Variants in DIP2C observed in about 807,000 individuals in gnomAD.
DIP2C encodes the protein disco-interacting protein 2 homolog C.
In DIP2C, 33 loss-of-function variants were observed where a neutral mutation model predicts 192.4. The observed-to-expected ratio is 0.17, with a 90% confidence interval of 0.13 to 0.23. DIP2C has a LOEUF of 0.23. DIP2C is among the 10% of genes least tolerant of loss of function. The pLI, the probability that DIP2C is intolerant of heterozygous loss-of-function variation, is 1.00. For missense variants in DIP2C, 1,537 were observed against 2,110.1 expected, an observed-to-expected ratio of 0.73 and a Z score of 5.32; for synonymous variants, 979 against 864.1, an observed-to-expected ratio of 1.13 and a Z score of -2.33.
intron 4 of DIP2C, among the ~76,000 whole-genome samples, chr10:439,503 G>A (rs1041255331): frequency 6.6e-6 from 1 of 152,208 alleles, no homozygotes; most frequent in East Asian, 1.9e-4. Context: ...TGTGGTCCCA[G>A]GTGCTTGAGA....
chr10:320,058 C>T (rs1172150426), intron 31 of DIP2C, among the ~76,000 whole-genome samples: 1 of 152,136 alleles, frequency 6.6e-6, no homozygotes, highest in East Asian at 1.9e-4. Context: ...GAATAGTAAA[C>T]CCTGGGTTTT....
chr10:423,544 G>A (rs1966355777), intron 4 of DIP2C, among the ~76,000 whole-genome samples: 1 of 152,092 alleles, frequency 6.6e-6, no homozygotes, highest in Admixed American at 6.5e-5. Flanking sequence ...AGACACCCAT[G>A]CAGCTGATTT....
chr10:657,833 A>G (rs1378788395), intron 1 of DIP2C, among the ~76,000 whole-genome samples: 1 of 147,898 alleles, frequency 6.8e-6, no homozygotes, highest in East Asian at 2.0e-4. Context: ...TTGACCCTGG[A>G]CCTGCCCCTG....
At chr10:497,909 T>C (rs1466891771) in intron 1 of DIP2C, among the ~76,000 whole-genome samples, 1 of 152,240 alleles carries the variant, frequency 6.6e-6, no homozygotes, top group African/African-American at 2.4e-5. Flanking sequence ...TCTGCCTCTG[T>C]TGCCTGTGCT....
chr10:487,578 T>TG (rs1162270445), intron 1 of DIP2C, among the ~76,000 whole-genome samples: 68 of 131,396 alleles, frequency 5.2e-4, no homozygotes, highest in African/African-American at 1.9e-3. Context: ...TTTTTTTTTT[T>TG]TTTTTTTTTT....
chr10:619,190 G>T (rs1057108222), intron 1 of DIP2C, among the ~76,000 whole-genome samples: 1 of 152,122 alleles, frequency 6.6e-6, no homozygotes. Context: ...GTGAACACCT[G>T]GACAAGTCAC....
intron 3 of DIP2C, among the ~76,000 whole-genome samples, chr10:468,373 T>C (rs1970388650): frequency 6.6e-6 from 1 of 152,114 alleles, no homozygotes; most frequent in Non-Finnish European, 1.5e-5. Context: ...TTGCTCTGTG[T>C]TGGCTACAGA....
At chr10:560,689 A>G (rs1172046372) in intron 1 of DIP2C, among the ~76,000 whole-genome samples, 1 of 152,218 alleles carries the variant, frequency 6.6e-6, no homozygotes, top group Non-Finnish European at 1.5e-5. Flanking sequence ...AAACAACGTA[A>G]TCACTTTCTG....
chr10:423,383 G>A (rs1162513018), intron 4 of DIP2C, among the ~76,000 whole-genome samples: 2 of 152,220 alleles, frequency 1.3e-5, no homozygotes, highest in Admixed American at 1.3e-4. Flanking sequence ...TTTCCTAGGG[G>A]ATGCTGAGGG....
chr10:686,320 G>A lies in DIP2C; in HGVS notation c.85+3174C>T, dbSNP rs1023472552. On this transcript the variant is annotated intron_variant, in intron 1 of 36. Transcript: ENST00000280886. ...GCACCCTCACGGCCTCTCCACCTGC[G>A]GGGCCTCTCCACTAGCACAGCCTTC... is the stretch of plus-strand genomic sequence containing the variant. Among the ~76,000 whole-genome samples the A allele has an allele frequency of 1.8e-4, 26 of 145,674 alleles. 1 individual carries two copies. The highest frequency in any genetic ancestry group is 5.9e-4 in the African/African-American group (23 of 39,098).
intron 2 of DIP2C, among the ~76,000 whole-genome samples, chr10:474,425 C>A (rs1970897689): frequency 6.6e-6 from 1 of 152,210 alleles, no homozygotes; most frequent in Non-Finnish European, 1.5e-5. Flanking sequence ...AAAACTCTTT[C>A]CCATACCTTC....
rs200101432 is a variant in DIP2C, at chr10:560,974, ACT to A, written c.86-74446_86-74445del. 7.3e-3 allele frequency among the ~76,000 whole-genome samples: 1,113 copies of A among 151,862 alleles called. 10 individuals carry two copies. The highest frequency in any genetic ancestry group is 0.024 in the African/African-American group (1,001 of 41,424). Reference sequence around the variant, plus strand: ...CTCCACACAACCCCTTAATCGTACAACTCTCTCAACCAACTGTCAATCAGGAA... The same window carrying A: ...CTCCACACAACCCCTTAATCGTACAACTCTCAACCAACTGTCAATCAGGAA... On this transcript the variant is annotated intron_variant, in intron 1 of 36. Transcript: ENST00000280886.
intron 29 of DIP2C, among the ~76,000 whole-genome samples, chr10:337,410 G>A (rs1388956374): frequency 1.4e-5 from 2 of 147,470 alleles, no homozygotes; most frequent in Middle Eastern, 3.7e-3. Context: ...CTACGTAGCT[G>A]TGTGTGTGTG....
chr10:436,566 C>T (rs925349343), intron 4 of DIP2C, among the ~76,000 whole-genome samples: 9 of 150,434 alleles, frequency 6.0e-5, no homozygotes, highest in Admixed American at 1.3e-4. Flanking sequence ...GCTCCACCTC[C>T]TAGACGTGGT....
At chr10:323,944 A>G (rs1957145397) in intron 31 of DIP2C, among the ~76,000 whole-genome samples, 1 of 151,868 alleles carries the variant, frequency 6.6e-6, no homozygotes, top group African/African-American at 2.4e-5. Context: ...GGTTTTTTTA[A>G]TTTTGCAGAT....
chr10:408,339 T>C (rs530602201), intron 9 of DIP2C, among the ~76,000 whole-genome samples: 3 of 152,340 alleles, frequency 2.0e-5, no homozygotes, highest in East Asian at 3.9e-4. Context: ...TTGTGATTAT[T>C]ATAAGCTTTG....
At chr10:332,062 C>T (rs1042118556) in intron 29 of DIP2C, among the ~76,000 whole-genome samples, 5 of 152,072 alleles carry the variant, frequency 3.3e-5, no homozygotes, top group Non-Finnish European at 4.4e-5. Flanking sequence ...ACTAGAGGCA[C>T]GTACCACCAT....
intron 1 of DIP2C, among the ~76,000 whole-genome samples, chr10:564,670 G>A (rs1849371257): frequency 6.6e-6 from 1 of 152,082 alleles, no homozygotes; most frequent in South Asian, 2.1e-4. Flanking sequence ...CTCCTTAGCG[G>A]ATTTCTGTGA....
chr10:445,300 G>T (rs1211547106), intron 3 of DIP2C, among the ~76,000 whole-genome samples: 1 of 151,804 alleles, frequency 6.6e-6, no homozygotes, highest in African/African-American at 2.4e-5. Context: ...ATCTTGCACT[G>T]GACATCTGTA....
Sources: gnomAD v4.1 joint callset for allele counts (sites outside exome capture counted in the v4.1 genomes callset) on GRCh38, gnomAD v4.1.1 for gene constraint, MANE v1.5 for transcripts, NCBI Gene and HGNC (gene_info 2026-07-23, HGNC 2026-07-21) for gene names.